The following COL11A1 variants were observed in gnomAD, a reference collection of about 807,000 sequenced individuals.
COL11A1 encodes the protein collagen type XI alpha 1 chain.
Under a neutral mutation model 265.2 loss-of-function variants are expected in COL11A1, and 74 were observed. The ratio of observed to expected loss-of-function variants is 0.28; its 90% confidence interval spans 0.23 to 0.34. The LOEUF is 0.34. Ranked by LOEUF, COL11A1 falls within the 10% of genes least tolerant of loss-of-function variation. The probability of loss-of-function intolerance (pLI) is 1.00; values close to 1 mark genes in which losing one functional copy is unlikely to be tolerated. For missense variants in COL11A1, 2,165 were observed against 2,263.6 expected, an observed-to-expected ratio of 0.96 and a Z score of 0.88; for synonymous variants, 816 against 727.6, an observed-to-expected ratio of 1.12 and a Z score of -1.96.
chr1:103,106,307 C>G (rs903615854), intron 1 of COL11A1, among the ~76,000 whole-genome samples: 5 of 152,274 alleles, frequency 3.3e-5, no homozygotes, highest in Middle Eastern at 3.4e-3. Flanking sequence ...CGAAGAAATT[C>G]TCAGTTCCTA....
At chr1:103,027,396 AATATATATATATATATATATATAT>A (rs57013059) in intron 5 of COL11A1, among the ~76,000 whole-genome samples, 14 of 92,072 alleles carry the variant, frequency 1.5e-4, no homozygotes, top group South Asian at 1.1e-3. Flanking sequence ...TTAAAACTCT[AATATATATATATATATATATATAT>A]ATATATATAT....
chr1:102,902,301 G>A (rs544989130), intron 54 of COL11A1, among the ~76,000 whole-genome samples: 2 of 152,200 alleles, frequency 1.3e-5, no homozygotes, highest in East Asian at 1.9e-4. Context: ...GGAAAAAAGA[G>A]AATTGGAGAA....
chr1:103,049,836 T>C (rs1182242137), intron 4 of COL11A1, among the ~76,000 whole-genome samples: 2 of 152,182 alleles, frequency 1.3e-5, no homozygotes, highest in Non-Finnish European at 2.9e-5. Context: ...CTGTAAAGTA[T>C]TTTATTTCTC....
At chr1:102,923,895 C>T (rs1656271915) in intron 46 of COL11A1, among the ~76,000 whole-genome samples, 1 of 151,778 alleles carries the variant, frequency 6.6e-6, no homozygotes. Context: ...GCCCATGAAA[C>T]CTACTATATT....
intron 13 of COL11A1, among the ~76,000 whole-genome samples, chr1:103,012,671 C>G (rs41302788): frequency 1.3e-5 from 2 of 152,074 alleles, no homozygotes; most frequent in South Asian, 2.1e-4. Context: ...ATTTTAAAAA[C>G]TTTTTAACAT....
Position 102,987,685 on chromosome 1 carries a change from C to A in COL11A1, c.2450G>T (p.Gly817Val). Residue 817 changes from glycine to valine, a missense_variant, in exon 30 of 67, where the codon GGT becomes GTT. By Grantham distance (109) the Gly-to-Val change is moderately radical. Transcript: ENST00000370096. ...RGEDGPEGPK[G>V]RAGPTGDPGP... ...TGGGTCTCCAGTTGGGCCTGCTCGA[C>A]CTTTGGGTCCTTCAGGGCCATCTTC... is the stretch of plus-strand genomic sequence containing the variant. 6.2e-7 allele frequency: 1 copy of A among 1,613,570 alleles called. No homozygotes were observed. The highest frequency in any genetic ancestry group is 8.5e-7 in the Non-Finnish European group (1 of 1,179,724).
At chr1:102,972,137 C>A (rs1353743557) in intron 36 of COL11A1, among the ~76,000 whole-genome samples, 2 of 152,008 alleles carry the variant, frequency 1.3e-5, no homozygotes, top group Non-Finnish European at 2.9e-5. Flanking sequence ...ATATATTTGG[C>A]AATAAACTTG....
intron 36 of COL11A1, among the ~76,000 whole-genome samples, chr1:102,973,570 T>C (rs745632973): frequency 2.6e-5 from 4 of 152,160 alleles, no homozygotes; most frequent in Non-Finnish European, 4.4e-5. Flanking sequence ...TTTATAAAAA[T>C]ATACATACAG....
chr1:102,904,599 A>T (rs1441686478), intron 54 of COL11A1, among the ~76,000 whole-genome samples: 2 of 151,818 alleles, frequency 1.3e-5, no homozygotes, highest in Non-Finnish European at 2.9e-5. Context: ...GAAGATATTT[A>T]TGCAGCCAAA....
intron 57 of COL11A1, among the ~76,000 whole-genome samples, chr1:102,897,027 T>C (rs954053669): frequency 6.6e-6 from 1 of 152,096 alleles, no homozygotes; most frequent in African/African-American, 2.4e-5. Context: ...GATCATCTCC[T>C]GCTTGAAATC....
intron 57 of COL11A1, among the ~76,000 whole-genome samples, chr1:102,891,183 C>A (rs1196092115): frequency 6.6e-6 from 1 of 151,944 alleles, no homozygotes; most frequent in African/African-American, 2.4e-5. Context: ...ACTATGATTA[C>A]TGGAGAGAGA....
chr1:102,896,825 AC>A (rs1047869938), intron 57 of COL11A1, among the ~76,000 whole-genome samples: 4 of 152,198 alleles, frequency 2.6e-5, no homozygotes, highest in Non-Finnish European at 5.9e-5. Context: ...ATCTGAAATA[AC>A]AAGAAAAAAT....
intron 13 of COL11A1, among the ~76,000 whole-genome samples, chr1:103,013,341 T>A (rs1666284924): frequency 6.6e-6 from 1 of 151,990 alleles, no homozygotes; most frequent in Non-Finnish European, 1.5e-5. Context: ...AAAAATTGAA[T>A]TATAATGCTT....
chr1:103,018,635 A>G (rs937113857), intron 10 of COL11A1, among the ~76,000 whole-genome samples, 183 bp downstream of exon 10: 10 of 152,208 alleles, frequency 6.6e-5, no homozygotes, highest in Admixed American at 5.9e-4. Flanking sequence ...AACAAAATTT[A>G]AAGAGTATTA....
intron 12 of COL11A1, among the ~76,000 whole-genome samples, chr1:103,015,280 T>C (rs559114692): frequency 2.5e-4 from 38 of 152,154 alleles, no homozygotes; most frequent in Middle Eastern, 3.4e-3. Flanking sequence ...CAAATAATTT[T>C]TGAGCAATGA....
In COL11A1 at chr1:102,879,667, C is replaced by G. The variant is rs763949861; in HGVS notation, c.5274+16G>C. ...TATCATCTCTGTGAAGGGAGACAAGCAGAACTTATACTCACCGCACAACCA... is the reference window on the plus strand; with the variant it reads ...TATCATCTCTGTGAAGGGAGACAAGGAGAACTTATACTCACCGCACAACCA... On this transcript the variant is annotated intron_variant, in intron 66 of 66. Transcript: ENST00000370096. The G allele has an allele frequency of 1.9e-6, 3 of 1,607,138 alleles. No individual in the cohort carries two copies. Among genetic ancestry groups the G allele is most frequent in the Admixed American group, 3.3e-5 (2 of 59,926 alleles).
At chr1:103,069,781 T>C (rs140816015) in intron 4 of COL11A1, among the ~76,000 whole-genome samples, 233 of 151,906 alleles carry the variant, frequency 1.5e-3, no homozygotes, top group African/African-American at 4.7e-3. Flanking sequence ...TATGCATAAA[T>C]GGCCCACAAG....
At chr1:102,967,240 T>TTTTTTTTTTTTTG (rs1661503012) in intron 37 of COL11A1, among the ~76,000 whole-genome samples, 1 of 103,560 alleles carries the variant, frequency 9.7e-6, no homozygotes, top group Non-Finnish European at 2.0e-5. Context: ...TTTTTTTTTT[T>TTTTTTTTTTTTTG]TTTTTTTTTT....
chr1:102,967,626 T>G (rs1661574614), intron 37 of COL11A1, among the ~76,000 whole-genome samples: 1 of 152,190 alleles, frequency 6.6e-6, no homozygotes, highest in African/African-American at 2.4e-5. Flanking sequence ...TTTGCTTTGA[T>G]AATGTATCCT....
Sources: gnomAD v4.1 joint callset for allele counts (sites outside exome capture counted in the v4.1 genomes callset) on GRCh38, gnomAD v4.1.1 for gene constraint, MANE v1.5 for transcripts, NCBI Gene and HGNC (gene_info 2026-07-23, HGNC 2026-07-21) for gene names.